The following GPC6 variants were observed in gnomAD, a reference collection of about 807,000 sequenced individuals.
The protein encoded by GPC6 is glypican 6, also known as glypican-6.
Under a neutral mutation model 55.2 loss-of-function variants are expected in GPC6, and 14 were observed. The observed-to-expected ratio is 0.25, with a 90% CI of 0.17 to 0.40. The LOEUF (loss-of-function observed/expected upper bound fraction) is 0.40, where lower values mean the gene tolerates loss of function less well. GPC6 is among the 10% of genes least tolerant of loss of function. GPC6 has a pLI of 1.00. For missense variants in GPC6, 641 were observed against 708.5 expected (o/e 0.90, Z 1.08); for synonymous variants, 278 against 259.6 (o/e 1.07, Z -0.68).
chr13:94,269,237 C>G (rs1325563408), intron 4 of GPC6, among the ~76,000 whole-genome samples: 2 of 152,122 alleles, frequency 1.3e-5, no homozygotes, highest in Non-Finnish European at 2.9e-5. Context: ...ATACCTTCAT[C>G]TTTTATTATT....
At chr13:93,915,564 A>C (rs1380414546) in intron 3 of GPC6, among the ~76,000 whole-genome samples, 2 of 152,224 alleles carry the variant, frequency 1.3e-5, no homozygotes, top group African/African-American at 4.8e-5. Flanking sequence ...TTATGCTTAC[A>C]TAGTGGCAGT....
chr13:94,018,890 A>G (rs1230166043), intron 3 of GPC6, among the ~76,000 whole-genome samples: 1 of 152,186 alleles, frequency 6.6e-6, no homozygotes, highest in South Asian at 2.1e-4. Flanking sequence ...TGAGAATCTA[A>G]CTAATGCTTG....
chr13:93,747,604 C>A (rs895140431), intron 2 of GPC6, among the ~76,000 whole-genome samples: 6 of 152,178 alleles, frequency 3.9e-5, no homozygotes, highest in Non-Finnish European at 8.8e-5. Context: ...CCCATACAAC[C>A]ATTCTGTTTT....
At chr13:93,530,898 T>C (rs554128012) in intron 1 of GPC6, among the ~76,000 whole-genome samples, 76 of 152,296 alleles carry the variant, frequency 5.0e-4, no homozygotes, top group Non-Finnish European at 9.7e-4. Flanking sequence ...ATTTATGTCA[T>C]GGAAATTGGT....
chr13:94,388,580 T>C (rs558448963), intron 7 of GPC6, among the ~76,000 whole-genome samples: 1 of 152,340 alleles, frequency 6.6e-6, no homozygotes, highest in East Asian at 1.9e-4. Context: ...CAGCATTTTA[T>C]TCAATTAGTG....
At chr13:94,009,848 G>A (rs1476232088) in intron 3 of GPC6, among the ~76,000 whole-genome samples, 1 of 152,150 alleles carries the variant, frequency 6.6e-6, no homozygotes, top group Non-Finnish European at 1.5e-5. Context: ...GTACAGGTCT[G>A]CATGATCTTG....
rs1438234368 is a variant in GPC6 at position 93,839,018 on chromosome 13, A to G, written c.711+8473A>G. Among the ~76,000 whole-genome samples, 6 of 152,226 alleles carry G rather than the reference A, an allele frequency of 3.9e-5. 1 individual carries two copies. The South Asian group carries it at 1.0e-3, about 26-fold the overall frequency. On this transcript the variant is annotated intron_variant, in intron 3 of 8. Coordinates refer to ENST00000377047, the MANE Select transcript of GPC6 (RefSeq NM_005708.5). ...AAAACAAAGACAAATGATGAGAACC[A>G]GCAAAGCACGCCCTCCTGAAAGTAA...
At chr13:94,303,354 G>T (rs117940111) in intron 5 of GPC6, among the ~76,000 whole-genome samples, 2,608 of 152,174 alleles carry the variant, frequency 0.017, 39 homozygotes, top group East Asian at 0.067. Flanking sequence ...CTACCTGATC[G>T]GGTGTGAGCT....
intron 1 of GPC6, among the ~76,000 whole-genome samples, chr13:93,344,518 C>T (rs879060641): frequency 1.3e-5 from 2 of 152,180 alleles, no homozygotes; most frequent in Admixed American, 6.5e-5. Context: ...TAGGCTACAT[C>T]GTTTCTGAGC....
chr13:93,498,981 T>C (rs1298462055), intron 1 of GPC6, among the ~76,000 whole-genome samples: 1 of 152,202 alleles, frequency 6.6e-6, no homozygotes, highest in Non-Finnish European at 1.5e-5. Flanking sequence ...GTTTTAATTT[T>C]ATTTCTATGA....
At chr13:93,789,505 C>CTATATATATA (rs1384089765) in intron 2 of GPC6, among the ~76,000 whole-genome samples, 1 of 80,280 alleles carries the variant, frequency 1.2e-5, no homozygotes, top group East Asian at 3.1e-4. Context: ...CTCTCTCTCT[C>CTATATATATA]TCTCTATATA....
chr13:94,350,075 T>TTGTGTGTGTG (rs367555548), intron 6 of GPC6, among the ~76,000 whole-genome samples: 60 of 150,150 alleles, frequency 4.0e-4, no homozygotes, highest in Non-Finnish European at 4.0e-4. Flanking sequence ...TATATATCTT[T>TTGTGTGTGTG]TGTGTGTGTG....
chr13:94,379,401 C>T (rs947926055), intron 6 of GPC6, among the ~76,000 whole-genome samples: 10 of 152,144 alleles, frequency 6.6e-5, no homozygotes, highest in Admixed American at 2.0e-4. Context: ...ACAATGAAAA[C>T]GCACAGCTAC....
At chr13:94,401,736 T>C (rs1370945104) in intron 8 of GPC6, among the ~76,000 whole-genome samples, 1 of 152,222 alleles carries the variant, frequency 6.6e-6, no homozygotes, top group Non-Finnish European at 1.5e-5. Context: ...TTACATGTCA[T>C]AAAATATTCT....
At chr13:94,002,114 T>C (rs563172414) in intron 3 of GPC6, among the ~76,000 whole-genome samples, 22 of 152,168 alleles carry the variant, frequency 1.4e-4, no homozygotes, top group Non-Finnish European at 2.4e-4. Context: ...ATTCCTGAGT[T>C]GTAAAGGTGA....
intron 4 of GPC6, among the ~76,000 whole-genome samples, chr13:94,152,011 A>G (rs1887760175): frequency 6.6e-6 from 1 of 152,080 alleles, no homozygotes; most frequent in Non-Finnish European, 1.5e-5. Context: ...TAAGCACTGA[A>G]CAGAGCCATA....
At chr13:93,307,406 C>A (rs1429134886) in intron 1 of GPC6, among the ~76,000 whole-genome samples, 1 of 152,018 alleles carries the variant, frequency 6.6e-6, no homozygotes, top group African/African-American at 2.4e-5. Flanking sequence ...TGAAATTTAT[C>A]CTTGCTTAGT....
At chr13:93,531,543 T>C (rs887688393) in intron 1 of GPC6, among the ~76,000 whole-genome samples, 1 of 152,138 alleles carries the variant, frequency 6.6e-6, no homozygotes, top group Non-Finnish European at 1.5e-5. Context: ...AATCATCAGA[T>C]TGTGGATGTT....
intron 1 of GPC6, among the ~76,000 whole-genome samples, chr13:93,385,874 G>A (rs1308404421): frequency 1.3e-5 from 2 of 151,452 alleles, no homozygotes; most frequent in South Asian, 2.1e-4. Context: ...CGTATGATTC[G>A]ACCCAACAGA....
Sources: gnomAD v4.1 joint callset for allele counts (sites outside exome capture counted in the v4.1 genomes callset) on GRCh38, gnomAD v4.1.1 for gene constraint, MANE v1.5 for transcripts, NCBI Gene and HGNC (gene_info 2026-07-23, HGNC 2026-07-21) for gene names.